SGCZ: variants seen among roughly 807,000 people sequenced by gnomAD.
The protein encoded by SGCZ is sarcoglycan zeta, also known as zeta-sarcoglycan.
Under a neutral mutation model 41.3 loss-of-function variants are expected in SGCZ, and 40 were observed. The observed-to-expected ratio is 0.97, with a 90% CI of 0.75 to 1.26. The LOEUF (loss-of-function observed/expected upper bound fraction) is 1.26, where lower values mean the gene tolerates loss of function less well. Among genes scored for constraint, SGCZ ranks in the 50% most tolerant of loss-of-function variants. The probability of loss-of-function intolerance (pLI) is 0.00; values close to 1 mark genes in which losing one functional copy is unlikely to be tolerated. For missense variants in SGCZ, 552 were observed against 369.8 expected, an observed-to-expected ratio of 1.49 and a Z score of -4.04; for synonymous variants, 206 against 137.5, an observed-to-expected ratio of 1.50 and a Z score of -3.49.
intron 1 of SGCZ, among the ~76,000 whole-genome samples, chr8:15,197,906 G>GTA (rs1800780328): frequency 2.0e-5 from 3 of 150,392 alleles, no homozygotes; most frequent in Admixed American, 6.7e-5. Flanking sequence ...ACACATTCGT[G>GTA]TATATATATA....
chr8:14,900,449 C>T (rs1183133723), intron 1 of SGCZ, among the ~76,000 whole-genome samples: 1 of 152,100 alleles, frequency 6.6e-6, no homozygotes. Flanking sequence ...ATTCTGTAAC[C>T]TGTATGGCAC....
intron 1 of SGCZ, among the ~76,000 whole-genome samples, chr8:14,995,439 G>A (rs1802181921): frequency 6.6e-6 from 1 of 152,178 alleles, no homozygotes. Context: ...GATGGTTGCA[G>A]GTTTCTATTT....
At chr8:14,707,497 G>A (rs1309472708) in intron 1 of SGCZ, among the ~76,000 whole-genome samples, 1 of 151,992 alleles carries the variant, frequency 6.6e-6, no homozygotes, top group African/African-American at 2.4e-5. Context: ...CTCAGGAATC[G>A]ATCAGCATAA....
chr8:14,629,321 T>G (rs888202727), intron 1 of SGCZ, among the ~76,000 whole-genome samples: 1 of 151,326 alleles, frequency 6.6e-6, no homozygotes, highest in Non-Finnish European at 1.5e-5. Flanking sequence ...TTTTTAAAAA[T>G]TGTTTTTAGT....
chr8:14,321,360 C>T (rs1419834813), intron 3 of SGCZ, among the ~76,000 whole-genome samples: 5 of 151,952 alleles, frequency 3.3e-5, no homozygotes, highest in Admixed American at 6.6e-5. Context: ...ATCATAGAAC[C>T]TTAAAAGTCT....
chr8:14,243,590 T>C (rs1460241939), intron 3 of SGCZ, among the ~76,000 whole-genome samples: 3 of 152,218 alleles, frequency 2.0e-5, no homozygotes, highest in Non-Finnish European at 4.4e-5. Flanking sequence ...TCTACTTTTC[T>C]ATCTCTACTT....
chr8:14,617,511 GA>G (rs1482402307), intron 1 of SGCZ, among the ~76,000 whole-genome samples: 1 of 152,080 alleles, frequency 6.6e-6, no homozygotes, highest in African/African-American at 2.4e-5. Context: ...AAAATGTTGA[GA>G]TTTATAATGC....
At chr8:15,051,926 G>T (rs1440144695) in intron 1 of SGCZ, among the ~76,000 whole-genome samples, 1 of 152,180 alleles carries the variant, frequency 6.6e-6, no homozygotes, top group Middle Eastern at 3.2e-3. Context: ...CGCGCCAAAA[G>T]ACTGGAAGGC....
At chr8:14,264,972 C>G (rs888475383) in intron 3 of SGCZ, among the ~76,000 whole-genome samples, 2 of 152,040 alleles carry the variant, frequency 1.3e-5, no homozygotes, top group Admixed American at 1.3e-4. Flanking sequence ...CAAAAACAAA[C>G]AAACAAACAA....
chr8:14,412,706 G>T (rs1452433523), intron 2 of SGCZ, among the ~76,000 whole-genome samples: 5 of 151,830 alleles, frequency 3.3e-5, no homozygotes, highest in African/African-American at 1.2e-4. Context: ...CTCTCACAAG[G>T]GCTAATGTAT....
intron 2 of SGCZ, among the ~76,000 whole-genome samples, chr8:14,378,614 G>A (rs1804233196): frequency 6.6e-6 from 1 of 152,136 alleles, no homozygotes; most frequent in Non-Finnish European, 1.5e-5. Context: ...CAAAAAGTGG[G>A]CGAAGGACAT....
At position 15,045,232 on chromosome 8, in the gene SGCZ, A is replaced by C. The variant is rs530551524; in HGVS notation, c.39+192353T>G. On this transcript the variant is annotated intron_variant, in intron 1 of 7. Coordinates refer to ENST00000382080, the MANE Select transcript of SGCZ (RefSeq NM_139167.4). ...TAAACAATATTTCAGATGGACAAACAAGAGACATGATAAAATTCAGATAGA... is the reference window on the plus strand; with the variant it reads ...TAAACAATATTTCAGATGGACAAACCAGAGACATGATAAAATTCAGATAGA... 1.6e-3 allele frequency among the ~76,000 whole-genome samples: 237 copies of C among 152,218 alleles called. 1 individual carries two copies. The highest frequency in any genetic ancestry group is 2.5e-3 in the Non-Finnish European group (168 of 67,978).
rs1804464709 is a variant in SGCZ at position 14,173,902 on chromosome 8, T to C, written c.425-9200A>G. Among the ~76,000 whole-genome samples the C allele has an allele frequency of 2.0e-5, 3 of 152,044 alleles. No homozygotes were observed. The South Asian group carries it at 6.2e-4, about 31-fold the overall frequency. On this transcript the variant is annotated intron_variant, in intron 4 of 7. Transcript: ENST00000382080. Reference sequence around the variant, plus strand: ...TCTTACAAGAGATATATTTGAAATATAAAAACAGACATGCTAACATACATG... The same window carrying C: ...TCTTACAAGAGATATATTTGAAATACAAAAACAGACATGCTAACATACATG...
intron 1 of SGCZ, among the ~76,000 whole-genome samples, chr8:15,076,977 G>A (rs1462818302): frequency 2.0e-5 from 3 of 152,080 alleles, no homozygotes; most frequent in East Asian, 1.9e-4. Context: ...GACAAGTTGC[G>A]CTTTTCTACA....
intron 2 of SGCZ, among the ~76,000 whole-genome samples, chr8:14,522,127 G>A (rs1335387762): frequency 1.3e-5 from 2 of 151,970 alleles, no homozygotes; most frequent in Admixed American, 6.6e-5. Context: ...AGTTGCTCAT[G>A]GTGCATAATG....
intron 3 of SGCZ, among the ~76,000 whole-genome samples, chr8:14,247,617 C>T (rs1799149078): frequency 1.3e-5 from 2 of 152,152 alleles, no homozygotes; most frequent in South Asian, 2.1e-4. Flanking sequence ...TGAAAAGATG[C>T]TTCTTCTTTT....
At chr8:14,982,908 T>C (rs1801716290) in intron 1 of SGCZ, among the ~76,000 whole-genome samples, 1 of 152,214 alleles carries the variant, frequency 6.6e-6, no homozygotes, top group African/African-American at 2.4e-5. Context: ...TTTTGCTATA[T>C]GGCATATACT....
intron 1 of SGCZ, among the ~76,000 whole-genome samples, chr8:14,621,977 A>G (rs551283360): frequency 6.6e-6 from 1 of 152,232 alleles, no homozygotes; most frequent in African/African-American, 2.4e-5. Context: ...CCAAGTCTAT[A>G]TATCTATGGC....
chr8:15,188,539 G>A (rs542379518), intron 1 of SGCZ, among the ~76,000 whole-genome samples: 4 of 152,120 alleles, frequency 2.6e-5, no homozygotes, highest in East Asian at 1.9e-4. Context: ...TTCACTCATT[G>A]ACATGATTCA....
Sources: gnomAD v4.1 joint callset for allele counts (sites outside exome capture counted in the v4.1 genomes callset) on GRCh38, gnomAD v4.1.1 for gene constraint, MANE v1.5 for transcripts, NCBI Gene and HGNC (gene_info 2026-07-23, HGNC 2026-07-21) for gene names.